The following ATG7 variants were observed in gnomAD, a reference collection of about 807,000 sequenced individuals.
ATG7 encodes the protein ubiquitin-like modifier-activating enzyme ATG7.
A neutral mutation model predicts 82.4 loss-of-function variants in ATG7; 70 were observed. That is an observed-to-expected ratio of 0.85 (90% confidence interval 0.70 to 1.04). The LOEUF is 1.04. Ranked by LOEUF, ATG7 falls within the 50% of genes least tolerant of loss-of-function variation. The probability of loss-of-function intolerance (pLI) is 0.00; values close to 1 mark genes in which losing one functional copy is unlikely to be tolerated. For synonymous variants in ATG7, 287 were observed against 313.0 expected (o/e 0.92, Z 0.88); for missense variants, 792 against 864.3 (o/e 0.92, Z 1.05).
intron 18 of ATG7, among the ~76,000 whole-genome samples, chr3:11,372,373 T>C (rs1471984185): frequency 6.6e-6 from 1 of 151,098 alleles, no homozygotes; most frequent in Non-Finnish European, 1.5e-5. Flanking sequence ...GGAGAGGGAA[T>C]GGAGGTAACA....
At chr3:11,570,889 A>G in the ATG7 span, among the ~76,000 whole-genome samples, 1 of 152,108 alleles carries the variant, frequency 6.6e-6, no homozygotes. Context: ...TCCCCTTGTG[A>G]GTGGGAGAAT....
chr3:11,312,567 C>G (rs1948834491), intron 7 of ATG7, among the ~76,000 whole-genome samples: 1 of 152,236 alleles, frequency 6.6e-6, no homozygotes, highest in Non-Finnish European at 1.5e-5. Flanking sequence ...TATCTCTGCT[C>G]TGTCCACAAA....
At chr3:11,415,643 G>A (rs1219254120) in intron 19 of ATG7, among the ~76,000 whole-genome samples, 1 of 151,992 alleles carries the variant, frequency 6.6e-6, no homozygotes, top group Non-Finnish European at 1.5e-5. Context: ...AGGATCATCA[G>A]TATCACTGCC....
chr3:11,435,590 G>A (rs1215987307), intron 20 of ATG7, among the ~76,000 whole-genome samples: 1 of 152,096 alleles, frequency 6.6e-6, no homozygotes, highest in African/African-American at 2.4e-5. Context: ...TCCTGGCCTG[G>A]TCAGAAGGTC....
intron 20 of ATG7, among the ~76,000 whole-genome samples, chr3:11,497,353 AATACTATATATATATATATATATATATAT>A (rs1323805669): frequency 1.1e-5 from 1 of 90,996 alleles, no homozygotes; most frequent in African/African-American, 4.2e-5. Context: ...CTGTACTAAA[AATACTATATATATATATATATATATATAT>A]ATATATATAT....
rs553779144 is a variant in ATG7 at position 11,395,390 on chromosome 3, G to A, written c.1956+15338G>A. Among the ~76,000 whole-genome samples the A allele has an allele frequency of 1.5e-4, 23 of 152,170 alleles. No individual in the cohort carries two copies. In the South Asian group the frequency reaches 3.5e-3, roughly 23 times the overall value. ...AAACCTGAAGCCTCAAATCCAAGAA[G>A]CCCAACAAATTTATAACAGTACAAA... is the stretch of plus-strand genomic sequence containing the variant. On this transcript the variant is annotated intron_variant, in intron 19 of 20. Coordinates refer to ENST00000693202, the MANE Select transcript of ATG7 (RefSeq NM_001349232.2).
intron 20 of ATG7, among the ~76,000 whole-genome samples, chr3:11,525,429 G>T (rs188536344): frequency 6.8e-6 from 1 of 147,544 alleles, no homozygotes; most frequent in African/African-American, 2.6e-5. Context: ...CTCATAAGAG[G>T]TTCACAGTAA....
intron 20 of ATG7, among the ~76,000 whole-genome samples, chr3:11,506,927 A>G (rs1207716175): frequency 6.6e-6 from 1 of 152,162 alleles, no homozygotes; most frequent in Non-Finnish European, 1.5e-5. Context: ...TTTTTGTGCC[A>G]TGGATCACTT....
In ATG7 at chr3:11,408,483, C is replaced by G. The variant is rs547904330; in HGVS notation, c.1957-18321C>G. Among the ~76,000 whole-genome samples, 56 of 152,308 alleles carry G rather than the reference C, an allele frequency of 3.7e-4. 1 individual carries two copies. The highest frequency in any genetic ancestry group is 1.2e-3 in the African/African-American group (50 of 41,562). On this transcript the variant is annotated intron_variant, in intron 19 of 20. Coordinates refer to ENST00000693202, the MANE Select transcript of ATG7 (RefSeq NM_001349232.2). ...TTTTGGGTATCTTTTCAGCAACACCCCATTCCTGGTACCAGATTACTGGAT... is the reference window on the plus strand; with the variant it reads ...TTTTGGGTATCTTTTCAGCAACACCGCATTCCTGGTACCAGATTACTGGAT...
At chr3:11,501,842 A>C (rs1376799741) in intron 20 of ATG7, among the ~76,000 whole-genome samples, 1 of 152,090 alleles carries the variant, frequency 6.6e-6, no homozygotes, top group African/African-American at 2.4e-5. Context: ...GGTGTGCGCC[A>C]CCACATCCGG....
At chr3:11,553,984 C>T (rs1292283332) in intron 20 of ATG7, among the ~76,000 whole-genome samples, 2 of 152,168 alleles carry the variant, frequency 1.3e-5, no homozygotes, top group African/African-American at 4.8e-5. Context: ...CAGGGACTGG[C>T]CCTCCAGGGA....
chr3:11,506,868 TC>T (rs2153069894), intron 20 of ATG7, among the ~76,000 whole-genome samples: 2 of 152,296 alleles, frequency 1.3e-5, no homozygotes, highest in African/African-American at 4.8e-5. Flanking sequence ...AGGCCTGAGT[TC>T]CCTAAATATT....
At chr3:11,453,365 A>G (rs1228431979) in intron 20 of ATG7, among the ~76,000 whole-genome samples, 1 of 152,212 alleles carries the variant, frequency 6.6e-6, no homozygotes, top group Non-Finnish European at 1.5e-5. Flanking sequence ...GAAAGATAAT[A>G]CTAGAAAACT....
At chr3:11,445,203 T>C (rs2084413442) in intron 20 of ATG7, among the ~76,000 whole-genome samples, 1 of 152,218 alleles carries the variant, frequency 6.6e-6, no homozygotes, top group African/African-American at 2.4e-5. Flanking sequence ...CATTACTGGG[T>C]ATATACCCAA....
At chr3:11,514,242 C>CAAAAAT (rs2092191659) in intron 20 of ATG7, among the ~76,000 whole-genome samples, 1 of 152,138 alleles carries the variant, frequency 6.6e-6, no homozygotes, top group Non-Finnish European at 1.5e-5. Context: ...TGGAATCTGG[C>CAAAAAT]CAGTGTGACT....
intron 20 of ATG7, among the ~76,000 whole-genome samples, chr3:11,451,870 TAC>T (rs1196954957): frequency 1.1e-4 from 16 of 141,586 alleles, no homozygotes; most frequent in Non-Finnish European, 1.5e-4. Context: ...CGCCTTTACA[TAC>T]ACACACACAC....
At chr3:11,575,840 G>T in the ATG7 span, among the ~76,000 whole-genome samples, 1 of 152,194 alleles carries the variant, frequency 6.6e-6, no homozygotes, top group African/African-American at 2.4e-5. Flanking sequence ...TCCAATTCCA[G>T]CATTCAGAGA....
At chr3:11,503,127 A>T (rs1479561012) in intron 20 of ATG7, among the ~76,000 whole-genome samples, 2 of 152,158 alleles carry the variant, frequency 1.3e-5, no homozygotes, top group Non-Finnish European at 2.9e-5. Context: ...CCTTCTCCAG[A>T]GCCTCTGACC....
chr3:11,529,307 A>T lies in ATG7; in HGVS notation c.2080-25504A>T, dbSNP rs183157349. On this transcript the variant is annotated intron_variant, in intron 20 of 20. Transcript: ENST00000693202. Reference sequence around the variant, plus strand: ...AAAGTAATTAAGATCATTGATTGGGAGGAAAAATCCAATAACATTTAGGAA... The same window carrying T: ...AAAGTAATTAAGATCATTGATTGGGTGGAAAAATCCAATAACATTTAGGAA... Among the ~76,000 whole-genome samples the T allele has an allele frequency of 9.8e-5, 15 of 152,342 alleles. No homozygotes were observed. The East Asian group carries it at 2.3e-3, about 23-fold the overall frequency.
Sources: allele counts gnomAD v4.1 joint callset (sites outside exome capture counted in the v4.1 genomes callset), GRCh38; gene constraint gnomAD v4.1.1; transcripts MANE v1.5; gene names NCBI Gene and HGNC (gene_info 2026-07-23, HGNC 2026-07-21).